DNAI1: variants seen among roughly 807,000 people sequenced by gnomAD.
The protein encoded by DNAI1 is dynein, axonemal, intermediate polypeptide 1.
Under a neutral mutation model 92.0 loss-of-function variants are expected in DNAI1, and 67 were observed. That is an observed-to-expected ratio of 0.73 (90% CI 0.60 to 0.89). The LOEUF is 0.89. Among genes scored for constraint, DNAI1 ranks in the 40% least tolerant of loss-of-function variants. DNAI1 has a pLI of 0.00. For missense variants in DNAI1, 839 were observed against 866.6 expected, an observed-to-expected ratio of 0.97 and a Z score of 0.40; for synonymous variants, 323 against 319.6, an observed-to-expected ratio of 1.01 and a Z score of -0.11.
At chr9:34,473,598 G>T (rs1201514457) in intron 1 of DNAI1, among the ~76,000 whole-genome samples, 5 of 152,110 alleles carry the variant, frequency 3.3e-5, no homozygotes, top group African/African-American at 2.4e-5. Context: ...AGCCAATCAA[G>T]CTAATTAACG....
chr9:34,509,125 A>G (rs1382035268), intron 13 of DNAI1, among the ~76,000 whole-genome samples: 2 of 152,172 alleles, frequency 1.3e-5, no homozygotes, highest in African/African-American at 4.8e-5. Flanking sequence ...GCTAAGTGCT[A>G]AAGTAGAAGT....
chr9:34,500,679 A>G, intron 10 of DNAI1, 43 bp from the exon 11 acceptor site: 1 of 1,459,966 alleles, frequency 6.8e-7, no homozygotes, highest in Non-Finnish European at 9.6e-7. Context: ...GGTTTGCCAT[A>G]AAGCGGCAGT....
At position 34,520,855 on chromosome 9, in the gene DNAI1, C is replaced by T; in HGVS notation, c.*99C>T. On this transcript the variant is annotated 3_prime_UTR_variant, in exon 20 of 20. Coordinates refer to ENST00000242317, the MANE Select transcript of DNAI1 (RefSeq NM_012144.4). ...CCTTAGCACCCAGCATGTGACCCCA[C>T]TCCTGATCAGGTCCCAGCATCTTCC... The T allele has an allele frequency of 8.7e-7, 1 of 1,145,582 alleles. No individual in the cohort carries two copies. The highest frequency in any genetic ancestry group is 1.3e-6 in the Non-Finnish European group (1 of 778,348). The allele number at this position is 1,145,582 out of a possible 1,614,324, so 71.0% of individuals were successfully genotyped here. A position where few individuals can be genotyped will look rare whatever the true frequency, so the allele number is the denominator to read the frequency against.
At chr9:34,486,664 G>A (rs1417753332) in intron 4 of DNAI1, among the ~76,000 whole-genome samples, 2 of 152,046 alleles carry the variant, frequency 1.3e-5, no homozygotes, top group African/African-American at 4.8e-5. Context: ...CCCACTTAAA[G>A]TGTACAATTC....
At chr9:34,469,260 CTTTTT>C (rs35082433) in intron 1 of DNAI1, among the ~76,000 whole-genome samples, 4 of 80,188 alleles carry the variant, frequency 5.0e-5, no homozygotes, top group Non-Finnish European at 4.8e-5. Context: ...AATGGAATGG[CTTTTT>C]TTTTTTTTTT....
intron 4 of DNAI1, 199 bp from the exon 5 acceptor site, chr9:34,489,124 T>C: frequency 1.7e-6 from 1 of 602,106 alleles, no homozygotes; most frequent in Non-Finnish European, 2.9e-6. Flanking sequence ...TTAAAAAAGA[T>C]TTTATTTCAT....
intron 1 of DNAI1, among the ~76,000 whole-genome samples, chr9:34,460,166 G>C (rs1396078280): frequency 1.3e-5 from 2 of 152,190 alleles, no homozygotes; most frequent in East Asian, 3.8e-4. Context: ...TTAACCCACT[G>C]AGCACAGAGT....
chr9:34,520,765 C>T lies in DNAI1; in HGVS notation c.*9C>T. ...TGAAAATCAAGACCTGAGGGGCTGG[C>T]CTCAGTCTCTGTCCCATCGCTTGAA... is the stretch of plus-strand genomic sequence containing the variant. On this transcript the variant is annotated 3_prime_UTR_variant, in exon 20 of 20. Transcript: ENST00000242317. 6.4e-7 allele frequency: 1 copy of T among 1,551,566 alleles called. No individual in the cohort carries two copies. The highest frequency in any genetic ancestry group is 8.7e-7 in the Non-Finnish European group (1 of 1,146,896).
chr9:34,471,750 A>C (rs1824138631), intron 1 of DNAI1, among the ~76,000 whole-genome samples: 1 of 152,120 alleles, frequency 6.6e-6, no homozygotes, highest in Non-Finnish European at 1.5e-5. Flanking sequence ...AGCCTGGGCT[A>C]CAGTGTGAGA....
rs114726036 is a variant in DNAI1 at position 34,515,688 on chromosome 9, G to A, written c.1818+949G>A. Among the ~76,000 whole-genome samples, 172 of 152,302 alleles carry A rather than the reference G, an allele frequency of 1.1e-3. 1 individual carries two copies. Among genetic ancestry groups the A allele is most frequent in the African/African-American group, 3.9e-3 (162 of 41,546 alleles). ...GTGCTGATACATGCTACAACATGGA[G>A]GAACCTTGACAACATGCTTAGCGTA... On this transcript the variant is annotated intron_variant, in intron 18 of 19. Transcript: ENST00000242317.
At chr9:34,492,014 T>C (rs374482390) in intron 8 of DNAI1, among the ~76,000 whole-genome samples, 15 of 152,228 alleles carry the variant, frequency 9.9e-5, no homozygotes, top group African/African-American at 3.6e-4. Context: ...GAACAGGATA[T>C]GGTGCCAGGA....
At chr9:34,515,839 G>A (rs912321042) in intron 18 of DNAI1, among the ~76,000 whole-genome samples, 3 of 152,140 alleles carry the variant, frequency 2.0e-5, no homozygotes, top group African/African-American at 7.2e-5. Flanking sequence ...TTCTAAAATC[G>A]GTTGTAGAGA....
intron 6 of DNAI1, 114 bp from the exon 7 acceptor site, chr9:34,490,255 G>C: frequency 6.2e-7 from 1 of 1,607,900 alleles, no homozygotes; most frequent in South Asian, 1.1e-5. Context: ...AATGTGTCTG[G>C]CAGCATCACT....
At chr9:34,470,113 T>G (rs2132043945) in intron 1 of DNAI1, among the ~76,000 whole-genome samples, 1 of 152,322 alleles carries the variant, frequency 6.6e-6, no homozygotes, top group African/African-American at 2.4e-5. Flanking sequence ...TCAGGATGCA[T>G]ATTGTAACCC....
rs759609265 is a variant in DNAI1 at position 34,512,146 on chromosome 9, ACTT to A, written c.1355_1357del (p.Phe452del). On this transcript the variant is annotated inframe_deletion, in exon 14 of 20. Coordinates refer to ENST00000242317, the MANE Select transcript of DNAI1 (RefSeq NM_012144.4). ...AAGGATGACATGGACCAAAACCTTA[ACTT>A]CTTCTCTGTGTCATCTGACGGCAGG... 5.0e-6 allele frequency: 8 copies of A among 1,614,062 alleles called. No homozygotes were observed. Among genetic ancestry groups the A allele is most frequent in the East Asian group, 2.2e-5 (1 of 44,880 alleles).
At chr9:34,480,610 C>T (rs924096869) in intron 1 of DNAI1, among the ~76,000 whole-genome samples, 1 of 152,130 alleles carries the variant, frequency 6.6e-6, no homozygotes, top group Admixed American at 6.6e-5. Context: ...TTTTCTCCAC[C>T]TAGACAATGC....
intron 13 of DNAI1, among the ~76,000 whole-genome samples, chr9:34,508,660 G>A (rs1420349051): frequency 2.0e-5 from 3 of 152,082 alleles, no homozygotes; most frequent in Non-Finnish European, 4.4e-5. Context: ...CCTTCCTCAA[G>A]CCAAGCAGAA....
At chr9:34,466,582 C>T (rs985347518) in intron 1 of DNAI1, among the ~76,000 whole-genome samples, 3 of 152,172 alleles carry the variant, frequency 2.0e-5, no homozygotes, top group Non-Finnish European at 4.4e-5. Context: ...TTACAAAGAA[C>T]AGAGGCTCAC....
chr9:34,493,135 G>T lies in DNAI1; in HGVS notation c.682-59G>T, dbSNP rs1265576278. 3.7e-6 allele frequency: 6 copies of T among 1,612,818 alleles called. No homozygotes were observed. The East Asian group carries it at 8.9e-5, about 24-fold the overall frequency. ...TTCCTTAAGTCTTGAAGGCTGAAAAGAGCTGTCTGGGTAAAGATTGCACCT... is the reference window on the plus strand; with the variant it reads ...TTCCTTAAGTCTTGAAGGCTGAAAATAGCTGTCTGGGTAAAGATTGCACCT... On this transcript the variant is annotated intron_variant, in intron 8 of 19. Transcript: ENST00000242317.
Sources: gnomAD v4.1 joint callset for allele counts (sites outside exome capture counted in the v4.1 genomes callset) on GRCh38, gnomAD v4.1.1 for gene constraint, MANE v1.5 for transcripts, NCBI Gene and HGNC (gene_info 2026-07-23, HGNC 2026-07-21) for gene names.